Variants in IKZF3 observed in about 807,000 individuals in gnomAD.
IKZF3 encodes the protein zinc finger protein Aiolos.
IKZF3 carries 10 observed loss-of-function variants against 49.0 expected under a neutral mutation model. The ratio of observed to expected loss-of-function variants is 0.20; its 90% confidence interval spans 0.13 to 0.35. IKZF3 has a LOEUF of 0.35. Among genes scored for constraint, IKZF3 ranks in the 10% least tolerant of loss-of-function variants. The pLI, the probability that IKZF3 is intolerant of heterozygous loss-of-function variation, is 1.00. For missense variants in IKZF3, 498 were observed against 664.8 expected, an observed-to-expected ratio of 0.75 and a Z score of 2.76; for synonymous variants, 209 against 228.2, an observed-to-expected ratio of 0.92 and a Z score of 0.76.
chr17:39,786,540 C>G (rs1034308091), intron 6 of IKZF3, among the ~76,000 whole-genome samples: 1 of 152,166 alleles, frequency 6.6e-6, no homozygotes, highest in Admixed American at 6.5e-5. Flanking sequence ...CTTAAGATGT[C>G]AAAATCTTTC....
At chr17:39,804,426 T>G (rs2061390608) in intron 3 of IKZF3, among the ~76,000 whole-genome samples, 1 of 146,286 alleles carries the variant, frequency 6.8e-6, no homozygotes. Context: ...CCAGCCTGGG[T>G]GAGAGCGAGA....
At chr17:39,857,547 G>C (rs962614389) in intron 1 of IKZF3, among the ~76,000 whole-genome samples, 1 of 152,130 alleles carries the variant, frequency 6.6e-6, no homozygotes, top group Non-Finnish European at 1.5e-5. Context: ...TGTATTTTGT[G>C]GGGGGCATGG....
chr17:39,785,017 A>C (rs969566214), intron 6 of IKZF3, among the ~76,000 whole-genome samples: 1 of 152,194 alleles, frequency 6.6e-6, no homozygotes, highest in African/African-American at 2.4e-5. Flanking sequence ...TGCTGCAGGC[A>C]CAACAGCAAT....
chr17:39,824,482 T>C (rs2061903541), intron 3 of IKZF3, among the ~76,000 whole-genome samples: 2 of 152,112 alleles, frequency 1.3e-5, no homozygotes, highest in Admixed American at 1.3e-4. Flanking sequence ...TTTTGAAATA[T>C]GAGGACATGC....
intron 1 of IKZF3, among the ~76,000 whole-genome samples, chr17:39,836,647 T>C (rs558057440): frequency 3.3e-5 from 5 of 152,368 alleles, no homozygotes; most frequent in Non-Finnish European, 5.9e-5. Flanking sequence ...TGTTGATTTG[T>C]CTATTTCTCT....
intron 1 of IKZF3, among the ~76,000 whole-genome samples, chr17:39,862,094 T>C (rs2063228556): frequency 6.6e-6 from 1 of 152,144 alleles, no homozygotes; most frequent in Admixed American, 6.5e-5. Flanking sequence ...GGGTAGAAAA[T>C]ATTTAAGGTC....
intron 3 of IKZF3, among the ~76,000 whole-genome samples, chr17:39,823,483 G>T (rs1010738975): frequency 6.6e-6 from 1 of 152,160 alleles, no homozygotes; most frequent in African/African-American, 2.4e-5. Flanking sequence ...TAAGTAATGA[G>T]GTGCCTAATG....
chr17:39,861,116 T>C (rs1438587980), intron 1 of IKZF3, among the ~76,000 whole-genome samples: 2 of 152,218 alleles, frequency 1.3e-5, no homozygotes, highest in African/African-American at 4.8e-5. Context: ...CTGAGGGCCT[T>C]CTATGAACCA....
chr17:39,863,288 T>A (rs1228737595), intron 1 of IKZF3, among the ~76,000 whole-genome samples: 1 of 152,166 alleles, frequency 6.6e-6, no homozygotes, highest in Non-Finnish European at 1.5e-5. Context: ...TCATTGTTAA[T>A]TAGAGATTCT....
At chr17:39,806,844 ATCTC>A (rs373223276) in intron 3 of IKZF3, among the ~76,000 whole-genome samples, 18 of 151,720 alleles carry the variant, frequency 1.2e-4, no homozygotes, top group Admixed American at 9.2e-4. Context: ...TGTGACTTCC[ATCTC>A]TCTCTCTCTT....
chr17:39,766,047 A>T lies in IKZF3; in HGVS notation c.1273T>A (p.Tyr425Asn). The change falls in exon 8 of 8, where the codon TAC (tyrosine) becomes AAC (asparagine). Residue 425 changes from tyrosine to asparagine, a missense_variant. Tyr to Asn is a moderately radical substitution (Grantham distance 143). Transcript: ENST00000346872. ...MPLLKEVPRS[Y>N]ELLKPPPICP... The stretch of plus-strand genomic sequence containing the variant: ...ATGGGCGGGGGCTTGAGGAGTTCGT[A>T]AGAGCGGGGAACCTCCTTCAGAAGT... 1 of 1,614,146 alleles carries T rather than the reference A, an allele frequency of 6.2e-7. No homozygotes were observed. Among genetic ancestry groups the T allele is most frequent in the Non-Finnish European group, 8.5e-7 (1 of 1,180,016 alleles).
chr17:39,850,341 CATGTACATATAATATATAGCATATTATAT>C (rs1568062987), intron 1 of IKZF3, among the ~76,000 whole-genome samples: 3,893 of 133,398 alleles, frequency 0.029, 321 homozygotes, highest in African/African-American at 0.1. Context: ...GCATATTATA[CATGTACATATAATATATAGCATATTATAT>C]ATGTATATAT....
At chr17:39,799,178 C>T (rs2061254333) in intron 3 of IKZF3, among the ~76,000 whole-genome samples, 1 of 152,030 alleles carries the variant, frequency 6.6e-6, no homozygotes, top group Non-Finnish European at 1.5e-5. Context: ...CCAGATAAAC[C>T]TTATGCACAA....
intron 1 of IKZF3, among the ~76,000 whole-genome samples, chr17:39,842,789 T>A (rs1291876571): frequency 6.6e-4 from 100 of 152,300 alleles, no homozygotes; most frequent in Non-Finnish European, 2.1e-4. Context: ...AAAATACTTA[T>A]TAATTACAAG....
chr17:39,798,996 C>CGTGTGT (rs10628627), intron 3 of IKZF3, among the ~76,000 whole-genome samples: 6,327 of 149,028 alleles, frequency 0.042, 184 homozygotes, highest in Non-Finnish European at 0.064. Flanking sequence ...TGTGTGTGTG[C>CGTGTGT]GTGTGTGTGT....
intron 3 of IKZF3, among the ~76,000 whole-genome samples, 195 bp from the exon 4 acceptor site, chr17:39,793,128 A>T (rs1423060865): frequency 6.6e-6 from 1 of 152,268 alleles, no homozygotes; most frequent in Non-Finnish European, 1.5e-5. Context: ...AGAGGAAAAC[A>T]CACATACTTA....
Position 39,766,111 on chromosome 17 carries a change from T to G in IKZF3, c.1209A>C (p.Gln403His). Residue 403 changes from glutamine (Q) to histidine (H), a missense_variant, in exon 8 of 8, where the codon CAA becomes CAC. By Grantham distance (24) the Gln-to-His change is conservative. Coordinates refer to ENST00000346872, the MANE Select transcript of IKZF3 (RefSeq NM_012481.5). Reference sequence around the variant, plus strand: ...GGGCCCGAGACAGGACCATGTGATTTTGCTGATAGATGTGATTCTGGCGTT... The same window carrying G: ...GGGCCCGAGACAGGACCATGTGATTGTGCTGATAGATGTGATTCTGGCGTT... ...HEERQNHIYQ[Q>H]NHMVLSRARN... 1 of 1,614,156 alleles carries G rather than the reference T, an allele frequency of 6.2e-7. No homozygotes were observed. The highest frequency in any genetic ancestry group is 1.1e-5 in the South Asian group (1 of 91,084).
At chr17:39,826,266 C>T (rs1253772178) in intron 3 of IKZF3, among the ~76,000 whole-genome samples, 2 of 152,180 alleles carry the variant, frequency 1.3e-5, no homozygotes, top group Non-Finnish European at 2.9e-5. Context: ...TGGTCTTGAA[C>T]TCCTGAGCTC....
chr17:39,827,855 G>A (rs114654022), intron 3 of IKZF3, among the ~76,000 whole-genome samples: 1 of 152,214 alleles, frequency 6.6e-6, no homozygotes, highest in Admixed American at 6.5e-5. Flanking sequence ...GTAAGGTATA[G>A]GTGTGAAGGG....
Sources: gnomAD v4.1 joint callset for allele counts (sites outside exome capture counted in the v4.1 genomes callset) on GRCh38, gnomAD v4.1.1 for gene constraint, MANE v1.5 for transcripts, NCBI Gene and HGNC (gene_info 2026-07-23, HGNC 2026-07-21) for gene names.